Variants in SOX5 observed in about 807,000 individuals in gnomAD.
SOX5 encodes the protein SRY-box transcription factor 5, also known as transcription factor SOX-5.
A neutral mutation model predicts 92.0 loss-of-function variants in SOX5; 9 were observed. The observed-to-expected ratio is 0.10, with a 90% CI of 0.06 to 0.17. The LOEUF (loss-of-function observed/expected upper bound fraction) is 0.17, where lower values mean the gene tolerates loss of function less well. Ranked by LOEUF, SOX5 falls within the 10% of genes least tolerant of loss-of-function variation. The pLI is 1.00. For synonymous variants in SOX5, 344 were observed against 336.3 expected, an observed-to-expected ratio of 1.02 and a Z score of -0.25; for missense variants, 642 against 944.5, an observed-to-expected ratio of 0.68 and a Z score of 4.20.
intron 3 of SOX5, among the ~76,000 whole-genome samples, chr12:23,786,276 G>A (rs1161353581): frequency 6.6e-6 from 1 of 151,794 alleles, no homozygotes; most frequent in Admixed American, 6.6e-5. Flanking sequence ...TTATATTCTT[G>A]GTAATAGATT....
At chr12:24,256,335 A>G (rs1460957938) in intron 3 of SOX5, among the ~76,000 whole-genome samples, 1 of 152,192 alleles carries the variant, frequency 6.6e-6, no homozygotes, top group Admixed American at 6.5e-5. Flanking sequence ...CTGTAGTCTG[A>G]AGGGACTGAA....
chr12:24,328,992 G>C (rs2140966117), intron 2 of SOX5, among the ~76,000 whole-genome samples: 1 of 152,140 alleles, frequency 6.6e-6, no homozygotes, highest in Admixed American at 6.5e-5. Context: ...TATTTCCCAA[G>C]AATTAAGAAC....
At chr12:24,480,882 T>C (rs1945914364) in intron 1 of SOX5, among the ~76,000 whole-genome samples, 1 of 152,022 alleles carries the variant, frequency 6.6e-6, no homozygotes, top group Non-Finnish European at 1.5e-5. Context: ...AGCTAGCATA[T>C]GATCCAGCCA....
At chr12:23,734,220 G>A (rs2093500926) in intron 6 of SOX5, among the ~76,000 whole-genome samples, 1 of 152,082 alleles carries the variant, frequency 6.6e-6, no homozygotes, top group Non-Finnish European at 1.5e-5. Context: ...AAAACCACAG[G>A]TAAATCGACT....
chr12:23,755,554 C>T, intron 4 of SOX5, 84 bp downstream of exon 4: 1 of 964,132 alleles, frequency 1.0e-6, no homozygotes, highest in Non-Finnish European at 1.6e-6. Flanking sequence ...GAGGTGAGGG[C>T]AGAAATACTT....
rs1470265200 is a variant in SOX5 at position 23,986,544 on chromosome 12, C to A, written c.-1-90520G>T. The stretch of plus-strand genomic sequence containing the variant: ...TGTACTGTTAAGAGAAATACAATGT[C>A]TTTCTTTCATCAGTTGGGTAATTTA... On this transcript the variant is annotated intron_variant, in intron 4 of 4. Transcript: ENST00000446891. Among the ~76,000 whole-genome samples, 7 of 152,142 alleles carry A rather than the reference C, an allele frequency of 4.6e-5. No homozygotes were observed. The East Asian group carries it at 1.3e-3, about 29-fold the overall frequency.
At chr12:24,508,662 G>A (rs1267822227) in intron 1 of SOX5, among the ~76,000 whole-genome samples, 1 of 152,092 alleles carries the variant, frequency 6.6e-6, no homozygotes, top group Non-Finnish European at 1.5e-5. Flanking sequence ...TTCACGCTGT[G>A]GTCCAGGGCT....
intron 3 of SOX5, among the ~76,000 whole-genome samples, chr12:24,276,131 T>A (rs1055493530): frequency 1.3e-5 from 2 of 152,124 alleles, no homozygotes; most frequent in African/African-American, 4.8e-5. Flanking sequence ...TGTAAACCTA[T>A]AGAATTTTTG....
intron 2 of SOX5, among the ~76,000 whole-genome samples, chr12:23,851,328 A>C (rs1225552921): frequency 1.3e-5 from 2 of 152,164 alleles, no homozygotes; most frequent in Non-Finnish European, 2.9e-5. Context: ...ACTTCTACAA[A>C]TGAAGTTTGC....
At chr12:24,346,272 T>C (rs970177639) in intron 2 of SOX5, among the ~76,000 whole-genome samples, 17 of 152,330 alleles carry the variant, frequency 1.1e-4, no homozygotes, top group African/African-American at 4.1e-4. Context: ...AGAAGTCTTT[T>C]AGAACCATTG....
At chr12:23,644,354 C>T (rs926476280) in intron 7 of SOX5, among the ~76,000 whole-genome samples, 3 of 152,172 alleles carry the variant, frequency 2.0e-5, no homozygotes, top group African/African-American at 7.2e-5. Flanking sequence ...GGGAAAGATC[C>T]GGAGCCAGAG....
chr12:24,117,783 G>C (rs1013350706), intron 4 of SOX5, among the ~76,000 whole-genome samples: 1 of 152,048 alleles, frequency 6.6e-6, no homozygotes, highest in African/African-American at 2.4e-5. Context: ...CCTTTGGGAG[G>C]CCGAGGTGGG....
intron 1 of SOX5, among the ~76,000 whole-genome samples, chr12:24,421,402 C>G (rs1965893865): frequency 6.6e-6 from 1 of 152,166 alleles, no homozygotes; most frequent in African/African-American, 2.4e-5. Context: ...TCATTTGTTA[C>G]TAGCAGTTAA....
chr12:24,034,257 C>A (rs1204520038), intron 4 of SOX5, among the ~76,000 whole-genome samples: 2 of 152,028 alleles, frequency 1.3e-5, no homozygotes, highest in African/African-American at 2.4e-5. Flanking sequence ...TCTCTCATTT[C>A]TCTAACACAA....
intron 4 of SOX5, among the ~76,000 whole-genome samples, chr12:24,096,797 CATA>C (rs149510372): frequency 1.0e-3 from 157 of 152,108 alleles, no homozygotes; most frequent in African/African-American, 3.2e-3. Context: ...TGTGTGTTCT[CATA>C]ATAACTTTTT....
chr12:23,913,565 G>A lies in SOX5; in HGVS notation c.39-17541C>T, dbSNP rs569136066. Among the ~76,000 whole-genome samples, 44 of 151,734 alleles carry A rather than the reference G, an allele frequency of 2.9e-4. No homozygotes were observed. The East Asian group carries it at 8.0e-3, about 28-fold the overall frequency. On this transcript the variant is annotated intron_variant, in intron 1 of 14. Transcript: ENST00000451604. Reference sequence around the variant, plus strand: ...AGCCTGGCCAACATGGTGAAACCCCGTCTCTACTAAAAATACAAAAATTAG... The same window carrying A: ...AGCCTGGCCAACATGGTGAAACCCCATCTCTACTAAAAATACAAAAATTAG...
intron 3 of SOX5, among the ~76,000 whole-genome samples, chr12:23,839,526 A>T (rs754110942): frequency 6.6e-6 from 1 of 152,206 alleles, no homozygotes; most frequent in Non-Finnish European, 1.5e-5. Flanking sequence ...CAACAAAAAC[A>T]GATAAAGACA....
intron 4 of SOX5, among the ~76,000 whole-genome samples, chr12:24,163,745 T>G (rs1031045959): frequency 2.0e-5 from 3 of 151,984 alleles, no homozygotes; most frequent in Non-Finnish European, 4.4e-5. Context: ...ATAATAATTT[T>G]TTCTTTAGCC....
chr12:23,639,189 CTT>C (rs1004461066), intron 8 of SOX5, among the ~76,000 whole-genome samples: 3 of 152,018 alleles, frequency 2.0e-5, no homozygotes, highest in African/African-American at 4.8e-5. Flanking sequence ...TATTTAATAT[CTT>C]GAGATAATCT....
Sources: allele counts gnomAD v4.1 joint callset (sites outside exome capture counted in the v4.1 genomes callset), GRCh38; gene constraint gnomAD v4.1.1; transcripts MANE v1.5; gene names NCBI Gene and HGNC (gene_info 2026-07-23, HGNC 2026-07-21).